Variants in CASD1 observed in about 807,000 individuals in gnomAD.
The protein encoded by CASD1 is N-acetylneuraminate (7)9-O-acetyltransferase.
In CASD1, 41 loss-of-function variants were observed where a neutral mutation model predicts 100.0. The observed-to-expected ratio is 0.41, with a 90% CI of 0.32 to 0.53. The LOEUF is 0.53. Among genes scored for constraint, CASD1 ranks in the 20% least tolerant of loss-of-function variants. The pLI, the probability that CASD1 is intolerant of heterozygous loss-of-function variation, is 0.25. For missense variants in CASD1, 774 were observed against 948.7 expected, an observed-to-expected ratio of 0.82 and a Z score of 2.42; for synonymous variants, 321 against 315.6, an observed-to-expected ratio of 1.02 and a Z score of -0.18.
chr7:94,571,329 C>G, the CASD1 span, among the ~76,000 whole-genome samples: 1 of 152,146 alleles, frequency 6.6e-6, no homozygotes, highest in Non-Finnish European at 1.5e-5. Context: ...AGGCATGAGC[C>G]ACCATGTCCA....
the CASD1 span, chr7:94,603,490 A>C: frequency 5.6e-6 from 9 of 1,597,756 alleles, no homozygotes; most frequent in Non-Finnish European, 7.7e-6. Flanking sequence ...TCCTTTAAGA[A>C]AATTGAAAAC....
At chr7:94,517,501 T>G in intron 1 of CASD1, 59 bp from the exon 2 acceptor site, 1 of 1,054,924 alleles carries the variant, frequency 9.5e-7, no homozygotes, top group East Asian at 2.4e-5. Context: ...AGGGTCAAGA[T>G]AGCCGATGTG....
chr7:94,624,233 T>C, the CASD1 span: 3 of 396,892 alleles, frequency 7.6e-6, no homozygotes, highest in Non-Finnish European at 1.3e-5. Context: ...TGGCAATGAT[T>C]GCAGCTGGAG....
intron 4 of CASD1, among the ~76,000 whole-genome samples, chr7:94,527,542 T>C (rs73220308): frequency 0.026 from 3,998 of 152,270 alleles, 65 homozygotes; most frequent in Middle Eastern, 0.048. Flanking sequence ...TTTATAGTTC[T>C]CTGCATGCAA....
intron 7 of CASD1, among the ~76,000 whole-genome samples, chr7:94,534,832 G>C (rs867147692): frequency 6.6e-6 from 1 of 152,150 alleles, no homozygotes; most frequent in Non-Finnish European, 1.5e-5. Context: ...TATAGTAAGT[G>C]ATAAGAGAAT....
chr7:94,531,161 G>C (rs1342213807), intron 5 of CASD1, among the ~76,000 whole-genome samples: 1 of 152,094 alleles, frequency 6.6e-6, no homozygotes, highest in East Asian at 1.9e-4. Flanking sequence ...TGAGGATAAG[G>C]ATGATTTAAC....
the CASD1 span, chr7:94,627,131 C>T: frequency 6.6e-6 from 1 of 152,086 alleles, no homozygotes; most frequent in South Asian, 2.1e-4. Flanking sequence ...AGATAGAAAT[C>T]ACTGAACAGT....
At chr7:94,607,282 A>T in the CASD1 span, among the ~76,000 whole-genome samples, 1 of 152,162 alleles carries the variant, frequency 6.6e-6, no homozygotes, top group Non-Finnish European at 1.5e-5. Flanking sequence ...CCAAAAGAAT[A>T]CTTCCTATCT....
rs186333678 is a variant in CASD1 at position 94,534,969 on chromosome 7, T to C, written c.629-340T>C. Among the ~76,000 whole-genome samples, 37 of 152,346 alleles carry C rather than the reference T, an allele frequency of 2.4e-4. 1 individual carries two copies. The highest frequency in any genetic ancestry group is 7.2e-4 in the African/African-American group (30 of 41,580). ...ATTAAGCAGTCTTCTATAACTCATTTTAGATTTGTTGTTACCTGTTATAAC... is the reference window on the plus strand; with the variant it reads ...ATTAAGCAGTCTTCTATAACTCATTCTAGATTTGTTGTTACCTGTTATAAC... On this transcript the variant is annotated intron_variant, in intron 7 of 17. Coordinates refer to ENST00000297273, the MANE Select transcript of CASD1 (RefSeq NM_022900.5).
the CASD1 span, among the ~76,000 whole-genome samples, chr7:94,579,594 C>T: frequency 5.0e-4 from 76 of 152,132 alleles, no homozygotes; most frequent in African/African-American, 1.5e-3. Context: ...TTTCCCTGAT[C>T]GTTAGATTCT....
At chr7:94,582,246 T>G in the CASD1 span, among the ~76,000 whole-genome samples, 2 of 152,150 alleles carry the variant, frequency 1.3e-5, no homozygotes, top group Non-Finnish European at 2.9e-5. Context: ...GCCTTCCAAG[T>G]AGCTTGGATT....
the CASD1 span, chr7:94,620,519 C>T: frequency 6.6e-6 from 1 of 151,978 alleles, no homozygotes. Context: ...TATCTGCATA[C>T]CTAGAAATAG....
In CASD1 at chr7:94,556,683, A is replaced by G. The variant is rs1313005575; in HGVS notation, c.*925A>G. 5.3e-5 allele frequency: 8 copies of G among 152,048 alleles called. No individual in the cohort carries two copies. The allele number at this position is 152,048 out of a possible 1,614,324, so 9.4% of individuals were successfully genotyped here. A position where few individuals can be genotyped will look rare whatever the true frequency, so the allele number is the denominator to read the frequency against. ...AGTCTAAACTTGTGCAGTGTAGTAA[A>G]CATGCAAGTTGTTACGATTGAGCTG... On this transcript the variant is annotated 3_prime_UTR_variant, in exon 18 of 18. Coordinates refer to ENST00000297273, the MANE Select transcript of CASD1 (RefSeq NM_022900.5).
At chr7:94,587,624 G>A in the CASD1 span, 1 of 1,423,710 alleles carries the variant, frequency 7.0e-7, no homozygotes, top group Non-Finnish European at 9.1e-7. Flanking sequence ...TCAATCTCCT[G>A]AATGCTTACA....
At chr7:94,580,023 C>T in the CASD1 span, among the ~76,000 whole-genome samples, 1 of 152,168 alleles carries the variant, frequency 6.6e-6, no homozygotes, top group Non-Finnish European at 1.5e-5. Context: ...GTAACAACAA[C>T]TGCTGCCTTT....
chr7:94,603,456 T>TA, the CASD1 span: 83 of 1,612,370 alleles, frequency 5.1e-5, no homozygotes, highest in Non-Finnish European at 8.5e-6. Context: ...ATAAACGCTG[T>TA]AAAAATGTGA....
At chr7:94,516,780 A>T (rs78803950) in intron 1 of CASD1, among the ~76,000 whole-genome samples, 81 of 152,246 alleles carry the variant, frequency 5.3e-4, no homozygotes, top group African/African-American at 1.8e-3. Context: ...CCTGGGACTG[A>T]GGAGTTTCCT....
At chr7:94,590,575 C>T in the CASD1 span, 3 of 152,114 alleles carry the variant, frequency 2.0e-5, no homozygotes, top group Admixed American at 2.0e-4. Flanking sequence ...GAAGAAACTC[C>T]AGGAGTCAGT....
chr7:94,618,354 T>C, the CASD1 span: 1 of 172,662 alleles, frequency 5.8e-6, no homozygotes, highest in Non-Finnish European at 1.2e-5. Flanking sequence ...CACTGACACA[T>C]GGTGGAAAGA....
Sources: gnomAD v4.1 joint callset for allele counts (sites outside exome capture counted in the v4.1 genomes callset) on GRCh38, gnomAD v4.1.1 for gene constraint, MANE v1.5 for transcripts, NCBI Gene and HGNC (gene_info 2026-07-23, HGNC 2026-07-21) for gene names.